TSPAN15: variants seen among roughly 807,000 people sequenced by gnomAD.
The protein encoded by TSPAN15 is tetraspanin 15, also known as tetraspanin-15.
In TSPAN15, 20 loss-of-function variants were observed where a neutral mutation model predicts 34.5. That is an observed-to-expected ratio of 0.58 (90% CI 0.41 to 0.84). The LOEUF (loss-of-function observed/expected upper bound fraction) is 0.84. TSPAN15 is among the 40% of genes least tolerant of loss of function. The pLI is 0.00. For missense variants in TSPAN15, 313 were observed against 386.1 expected (o/e 0.81, Z 1.59); for synonymous variants, 155 against 153.9 (o/e 1.01, Z -0.05).
chr10:69,542,862 A>G, the TSPAN15 span, among the ~76,000 whole-genome samples: 1 of 152,254 alleles, frequency 6.6e-6, no homozygotes, highest in Non-Finnish European at 1.5e-5. Context: ...ATCGAGCAGT[A>G]AATCTAACAA....
chr10:69,540,768 T>C, the TSPAN15 span, among the ~76,000 whole-genome samples: 1 of 152,066 alleles, frequency 6.6e-6, no homozygotes, highest in Non-Finnish European at 1.5e-5. Context: ...GTTAGAGATG[T>C]TCAGGAAATG....
the TSPAN15 span, among the ~76,000 whole-genome samples, chr10:69,536,478 G>A: frequency 4.6e-5 from 7 of 152,274 alleles, no homozygotes; most frequent in African/African-American, 1.2e-4. Flanking sequence ...GGGTGTATTC[G>A]TCTGCTAGGG....
the TSPAN15 span, among the ~76,000 whole-genome samples, chr10:69,525,046 G>A: frequency 6.8e-6 from 1 of 147,700 alleles, no homozygotes; most frequent in Non-Finnish European, 1.5e-5. Flanking sequence ...CTCCCAAAGT[G>A]CTGGGATTAC....
intron 1 of TSPAN15, among the ~76,000 whole-genome samples, chr10:69,468,640 A>T (rs994028535): frequency 6.6e-6 from 1 of 151,688 alleles, no homozygotes; most frequent in African/African-American, 2.4e-5. Flanking sequence ...CTCTAAATAC[A>T]CCACTTCTTT....
intron 3 of TSPAN15, among the ~76,000 whole-genome samples, chr10:69,486,997 G>T (rs1259124037): frequency 6.6e-6 from 1 of 151,934 alleles, no homozygotes. Flanking sequence ...CAGCAGCCTT[G>T]AGGGGAGAGA....
intron 1 of TSPAN15, among the ~76,000 whole-genome samples, chr10:69,459,133 A>G (rs58719473): frequency 0.39 from 58,138 of 147,642 alleles, 12,226 homozygotes; most frequent in Non-Finnish European, 0.45. Context: ...AAACAACAAC[A>G]AAACAACCTT....
chr10:69,532,067 C>T, the TSPAN15 span, among the ~76,000 whole-genome samples: 1 of 152,076 alleles, frequency 6.6e-6, no homozygotes, highest in African/African-American at 2.4e-5. Context: ...ACATCCCATG[C>T]TCATGGATGG....
At chr10:69,505,740 G>C (rs1222239594) in intron 6 of TSPAN15, among the ~76,000 whole-genome samples, 1 of 152,080 alleles carries the variant, frequency 6.6e-6, no homozygotes, top group African/African-American at 2.4e-5. Context: ...CTGGAGTGGG[G>C]CTATTGGCTT....
chr10:69,493,396 T>C lies in TSPAN15; in HGVS notation c.358-2198T>C, dbSNP rs557286097. The stretch of plus-strand genomic sequence containing the variant: ...CAGTCTTCTGCAATCCCAGGCCTGC[T>C]CCAGAGCTGCTGTTTATCATCAGCA... On this transcript the variant is annotated intron_variant, in intron 3 of 7. Transcript: ENST00000373290. 2.0e-5 allele frequency among the ~76,000 whole-genome samples: 3 copies of C among 151,550 alleles called. No individual in the cohort carries two copies. The East Asian group carries it at 5.8e-4, about 30-fold the overall frequency.
chr10:69,451,471 C>A lies in TSPAN15; in HGVS notation c.-124C>A, dbSNP rs1323691147. 6 of 1,300,214 alleles carry A rather than the reference C, an allele frequency of 4.6e-6. No individual in the cohort carries two copies. Among genetic ancestry groups the A allele is most frequent in the Non-Finnish European group, 4.9e-6 (5 of 1,024,720 alleles). 80.5% of individuals were successfully genotyped at this position (1,300,214 alleles called of 1,614,324 possible). A position where few individuals can be genotyped will look rare whatever the true frequency, so the allele number is the denominator to read the frequency against. Reference sequence around the variant, plus strand: ...GTGATTGCCGCGCTCCAGTGTCAGTCCCGGAGAGAACGCCGGTGGCGGGGC... The same window carrying A: ...GTGATTGCCGCGCTCCAGTGTCAGTACCGGAGAGAACGCCGGTGGCGGGGC... On this transcript the variant is annotated 5_prime_UTR_variant, in exon 1 of 8. Coordinates refer to ENST00000373290, the MANE Select transcript of TSPAN15 (RefSeq NM_012339.5).
At chr10:69,548,484 A>T in the TSPAN15 span, among the ~76,000 whole-genome samples, 2 of 152,250 alleles carry the variant, frequency 1.3e-5, no homozygotes, top group Non-Finnish European at 2.9e-5. Context: ...CAGTTTTCAG[A>T]CAATGGACTG....
intron 5 of TSPAN15, 61 bp downstream of exon 5, chr10:69,498,457 C>A (rs1255819897): frequency 7.5e-7 from 1 of 1,339,038 alleles, no homozygotes; most frequent in South Asian, 1.2e-5. Flanking sequence ...TATAAATGTT[C>A]TCTTTTCTCT....
rs1206827271 is a variant in TSPAN15 at position 69,507,559 on chromosome 10, A to G, written c.*581A>G. On this transcript the variant is annotated 3_prime_UTR_variant, in exon 8 of 8. Transcript: ENST00000373290. ...ACATTCATTTTTTTGTACAGATAAC[A>G]GGAGTTTCTGACTAATCAAAGCTGG... The G allele has an allele frequency of 7.7e-7, 1 of 1,304,162 alleles. No individual in the cohort carries two copies. The highest frequency in any genetic ancestry group is 1.0e-6 in the Non-Finnish European group (1 of 988,960). 80.8% of individuals were successfully genotyped at this position (1,304,162 alleles called of 1,614,324 possible).
chr10:69,474,306 C>A (rs1304516437), intron 1 of TSPAN15, among the ~76,000 whole-genome samples: 2 of 152,174 alleles, frequency 1.3e-5, no homozygotes, highest in Non-Finnish European at 2.9e-5. Flanking sequence ...CTTGCCCTCA[C>A]TTTGGGCCCC....
intron 1 of TSPAN15, among the ~76,000 whole-genome samples, chr10:69,453,540 T>C (rs1047915514): frequency 1.3e-5 from 2 of 152,160 alleles, no homozygotes; most frequent in Non-Finnish European, 2.9e-5. Context: ...CCCAGATATA[T>C]AATCACAAAC....
intron 2 of TSPAN15, 25 bp from the exon 3 acceptor site, chr10:69,485,116 T>C (rs747796333): frequency 6.2e-7 from 1 of 1,611,074 alleles, no homozygotes; most frequent in Non-Finnish European, 8.5e-7. Flanking sequence ...CCTCTCCAGG[T>C]GAGTCTCTGA....
chr10:69,498,348 T>C lies in TSPAN15; in HGVS notation c.522T>C (p.Pro174=), dbSNP rs1324041322. The change falls in exon 5 of 8, where the codon CCT becomes CCC. Residue 174 remains proline (P), a synonymous_variant. Transcript: ENST00000373290. ...SKNQYHDCSA[P]GPLACGVPYT... ...ATCAGTACCACGACTGCAGTGCCCC[T>C]GGACCCCTGGCCTGTGGGGTGCCCT... 1.9e-6 allele frequency: 3 copies of C among 1,613,944 alleles called. No individual in the cohort carries two copies. In the Admixed American group the frequency reaches 5.0e-5, roughly 27 times the overall value.
chr10:69,475,626 T>A (rs1841599106), intron 1 of TSPAN15, among the ~76,000 whole-genome samples: 1 of 152,162 alleles, frequency 6.6e-6, no homozygotes, highest in African/African-American at 2.4e-5. Flanking sequence ...TAACTGGGGT[T>A]TGCAAAACTC....
chr10:69,502,699 G>A (rs1842235651), intron 5 of TSPAN15, among the ~76,000 whole-genome samples: 1 of 152,114 alleles, frequency 6.6e-6, no homozygotes, highest in Admixed American at 6.5e-5. Context: ...ACCCCTTGGT[G>A]AGGGGCTCTC....
Sources: allele counts gnomAD v4.1 joint callset (sites outside exome capture counted in the v4.1 genomes callset), GRCh38; gene constraint gnomAD v4.1.1; transcripts MANE v1.5; gene names NCBI Gene and HGNC (gene_info 2026-07-23, HGNC 2026-07-21).